LIN7A: variants seen among roughly 807,000 people sequenced by gnomAD.
The protein encoded by LIN7A is lin-7 cell polarity scaffold A.
LIN7A carries 25 observed loss-of-function variants against 29.8 expected under a neutral mutation model. The observed-to-expected ratio is 0.84, with a 90% CI of 0.61 to 1.17. The LOEUF is 1.17. Ranked by LOEUF, LIN7A falls within the 50% of genes most tolerant of loss-of-function variation. LIN7A has a pLI of 0.00. For missense variants in LIN7A, 239 were observed against 287.0 expected, an observed-to-expected ratio of 0.83 and a Z score of 1.21; for synonymous variants, 118 against 107.5, an observed-to-expected ratio of 1.10 and a Z score of -0.60.
chr12:80,853,528 A>T (rs1425913602), intron 2 of LIN7A, among the ~76,000 whole-genome samples: 1 of 152,180 alleles, frequency 6.6e-6, no homozygotes, highest in Non-Finnish European at 1.5e-5. Context: ...TTATCATGGA[A>T]GATATATGGG....
Position 80,886,950 on chromosome 12 carries a change from C to T in LIN7A, c.201+2301G>A, listed in dbSNP as rs530127244. On this transcript the variant is annotated intron_variant, in intron 2 of 5. Coordinates refer to ENST00000552864, the MANE Select transcript of LIN7A (RefSeq NM_004664.4). ...TTTACATTTCCAGACCCAACTTCTC[C>T]CCCAGCCTTCAGACTTAGATGCCTG... is the stretch of plus-strand genomic sequence containing the variant. 5.9e-4 allele frequency among the ~76,000 whole-genome samples: 90 copies of T among 152,180 alleles called. 1 individual carries two copies. Among genetic ancestry groups the T allele is most frequent in the African/African-American group, 2.0e-3 (81 of 41,538 alleles).
intron 1 of LIN7A, among the ~76,000 whole-genome samples, chr12:80,900,463 T>C (rs1470285151): frequency 2.0e-5 from 3 of 152,248 alleles, no homozygotes; most frequent in African/African-American, 2.4e-5. Context: ...GTATGTTATA[T>C]CCTTGTTCTC....
intron 2 of LIN7A, among the ~76,000 whole-genome samples, chr12:80,862,984 T>G (rs1873951075): frequency 2.0e-5 from 3 of 152,224 alleles, no homozygotes. Context: ...TTCCATTACA[T>G]CTTTTCTCAT....
intron 1 of LIN7A, among the ~76,000 whole-genome samples, chr12:80,935,089 A>G (rs555305341): frequency 2.6e-5 from 4 of 152,310 alleles, no homozygotes; most frequent in Admixed American, 2.6e-4. Context: ...TGCTTAAGTT[A>G]CTGCTATCCT....
At chr12:80,861,885 G>C (rs931257251) in intron 2 of LIN7A, among the ~76,000 whole-genome samples, 2 of 152,210 alleles carry the variant, frequency 1.3e-5, no homozygotes, top group Non-Finnish European at 2.9e-5. Flanking sequence ...TGTCTCTGAA[G>C]CCAGTCTTGC....
chr12:80,902,808 G>A (rs747461954), intron 1 of LIN7A, among the ~76,000 whole-genome samples: 1 of 151,946 alleles, frequency 6.6e-6, no homozygotes, highest in African/African-American at 2.4e-5. Flanking sequence ...TGTCACTGAA[G>A]ATATATAGTT....
At chr12:80,897,908 C>A (rs1435746483) in intron 1 of LIN7A, among the ~76,000 whole-genome samples, 3 of 152,060 alleles carry the variant, frequency 2.0e-5, no homozygotes, top group African/African-American at 7.2e-5. Flanking sequence ...AATATTTTCT[C>A]TGATTCTGTA....
At chr12:80,916,754 G>A (rs764566018) in intron 1 of LIN7A, among the ~76,000 whole-genome samples, 1 of 152,192 alleles carries the variant, frequency 6.6e-6, no homozygotes, top group East Asian at 1.9e-4. Context: ...AATAGGAAAA[G>A]ATTTCATGAG....
At chr12:80,874,141 T>C (rs1874566362) in intron 2 of LIN7A, among the ~76,000 whole-genome samples, 1 of 152,204 alleles carries the variant, frequency 6.6e-6, no homozygotes, top group Non-Finnish European at 1.5e-5. Flanking sequence ...AGGTCCCATG[T>C]CAACCATGGG....
intron 1 of LIN7A, among the ~76,000 whole-genome samples, chr12:80,893,274 C>T (rs537890232): frequency 6.6e-6 from 1 of 152,236 alleles, no homozygotes; most frequent in Admixed American, 6.5e-5. Flanking sequence ...CTAAGGCGGT[C>T]GTTAGCAAAG....
chr12:80,827,589 G>C (rs1872140791), intron 4 of LIN7A, among the ~76,000 whole-genome samples: 1 of 152,082 alleles, frequency 6.6e-6, no homozygotes, highest in African/African-American at 2.4e-5. Context: ...TGTACAGGCA[G>C]GTCCAATTAT....
chr12:80,860,206 C>G lies in LIN7A; in HGVS notation c.202-11884G>C, dbSNP rs1454534770. Among the ~76,000 whole-genome samples the G allele has an allele frequency of 2.6e-5, 4 of 152,104 alleles. No individual in the cohort carries two copies. In the East Asian group the frequency reaches 7.7e-4, roughly 29 times the overall value. On this transcript the variant is annotated intron_variant, in intron 2 of 5. Transcript: ENST00000552864. The stretch of plus-strand genomic sequence containing the variant: ...GTTGATAGATATTGGTATATTACCC[C>G]TTTGGTAGAGTTTTGGCACCCCAGT...
chr12:80,810,978 C>T (rs1471440293), intron 5 of LIN7A, among the ~76,000 whole-genome samples: 1 of 152,146 alleles, frequency 6.6e-6, no homozygotes, highest in Admixed American at 6.5e-5. Context: ...TTCAGTGGGG[C>T]ACTTTTCCAA....
chr12:80,871,350 A>T (rs1402906498), intron 2 of LIN7A, among the ~76,000 whole-genome samples: 1 of 152,172 alleles, frequency 6.6e-6, no homozygotes, highest in Non-Finnish European at 1.5e-5. Flanking sequence ...TTAAAATGAA[A>T]TTATGTATAT....
chr12:80,829,802 A>G (rs112442362), intron 4 of LIN7A, among the ~76,000 whole-genome samples: 2,455 of 152,264 alleles, frequency 0.016, 55 homozygotes, highest in African/African-American at 0.056. Context: ...TTCTCTACAT[A>G]ATAGATCATA....
At chr12:80,935,753 G>T (rs767564755) in intron 1 of LIN7A, 1 of 502,570 alleles carries the variant, frequency 2.0e-6, no homozygotes. Flanking sequence ...CATCCACAGG[G>T]TAAACCTGCT....
chr12:80,833,250 T>A (rs1210634389), intron 4 of LIN7A, among the ~76,000 whole-genome samples: 1 of 152,186 alleles, frequency 6.6e-6, no homozygotes, highest in Non-Finnish European at 1.5e-5. Flanking sequence ...TGAACCATCT[T>A]TTCTGCTGTG....
intron 1 of LIN7A, among the ~76,000 whole-genome samples, chr12:80,914,574 G>A (rs969933344): frequency 2.0e-5 from 3 of 152,134 alleles, no homozygotes; most frequent in African/African-American, 7.2e-5. Flanking sequence ...TCTGCAACTC[G>A]CATGTTTCAC....
intron 2 of LIN7A, among the ~76,000 whole-genome samples, chr12:80,884,427 A>G (rs1375027234): frequency 6.6e-6 from 1 of 152,124 alleles, no homozygotes; most frequent in African/African-American, 2.4e-5. Flanking sequence ...TAGAGTCTCT[A>G]TTTTTTATTT....
Sources: allele counts gnomAD v4.1 joint callset (sites outside exome capture counted in the v4.1 genomes callset), GRCh38; gene constraint gnomAD v4.1.1; transcripts MANE v1.5; gene names NCBI Gene and HGNC (gene_info 2026-07-23, HGNC 2026-07-21).